STX8: variants seen among roughly 807,000 people sequenced by gnomAD.
STX8 encodes the protein syntaxin 8.
Under a neutral mutation model 37.5 loss-of-function variants are expected in STX8, and 23 were observed. The ratio of observed to expected loss-of-function variants is 0.61; its 90% CI spans 0.44 to 0.87. STX8 has a LOEUF of 0.87. Ranked by LOEUF, STX8 falls within the 40% of genes least tolerant of loss-of-function variation. The pLI is 0.00. For missense variants in STX8, 313 were observed against 284.7 expected (o/e 1.10, Z -0.71); for synonymous variants, 115 against 99.1 (o/e 1.16, Z -0.95).
intron 1 of STX8, among the ~76,000 whole-genome samples, chr17:9,572,703 TG>T: frequency 8.2e-6 from 1 of 121,554 alleles, no homozygotes; most frequent in East Asian, 2.4e-4. Context: ...CCACCACACC[TG>T]GCCTTTTATA....
chr17:9,553,011 C>G (rs1906830829), intron 3 of STX8: 1 of 152,162 alleles, frequency 6.6e-6, no homozygotes, highest in African/African-American at 2.4e-5. Context: ...CATCAAACCC[C>G]TCTGTAAAGA....
intron 6 of STX8, among the ~76,000 whole-genome samples, chr17:9,380,904 G>A (rs1911789595): frequency 6.6e-6 from 1 of 150,996 alleles, no homozygotes; most frequent in South Asian, 2.1e-4. Context: ...TAGTAGAGAT[G>A]GGGTTTCACC....
Position 9,545,226 on chromosome 17 carries a change from T to G in STX8, c.269A>C (p.Glu90Ala). The change falls in exon 4 of 8, where the codon GAG becomes GCG. Residue 90 changes from glutamate to alanine, a missense_variant. Coordinates refer to ENST00000306357, the MANE Select transcript of STX8 (RefSeq NM_004853.3). Reference protein sequence around the residue: ...QNLLDDLVTRERLLLASFKNE... With the variant: ...QNLLDDLVTRARLLLASFKNE... ...CTTAAAGGATGCCAGAAGTAGTCTC[T>G]CTCGAGTTACAAGATCATCCAAGAG... The G allele has an allele frequency of 6.2e-7, 1 of 1,614,146 alleles. No individual in the cohort carries two copies. Among genetic ancestry groups the G allele is most frequent in the Non-Finnish European group, 8.5e-7 (1 of 1,180,018 alleles).
chr17:9,430,134 A>ATATATATAATT (rs1491188966), intron 6 of STX8, among the ~76,000 whole-genome samples: 1 of 93,688 alleles, frequency 1.1e-5, no homozygotes, highest in Admixed American at 1.8e-4. Flanking sequence ...TAAATATAAA[A>ATATATATAATT]TATATATAAT....
chr17:9,399,818 A>G (rs1233533209), intron 6 of STX8, among the ~76,000 whole-genome samples: 2 of 150,312 alleles, frequency 1.3e-5, no homozygotes, highest in African/African-American at 4.9e-5. Context: ...GTGAGCCAAG[A>G]TCACGCCATT....
chr17:9,555,981 T>C (rs992446324), intron 3 of STX8, among the ~76,000 whole-genome samples: 3 of 152,132 alleles, frequency 2.0e-5, no homozygotes, highest in African/African-American at 7.2e-5. Flanking sequence ...AAACCCTTTA[T>C]ATGATAGACC....
intron 6 of STX8, among the ~76,000 whole-genome samples, chr17:9,436,476 G>C (rs8065709): frequency 0.057 from 8,696 of 152,212 alleles, 714 homozygotes; most frequent in African/African-American, 0.18. Context: ...GGGTCTCTGG[G>C]CATCTAAAAT....
At chr17:9,346,957 G>A (rs1225249492) in intron 7 of STX8, among the ~76,000 whole-genome samples, 2 of 151,942 alleles carry the variant, frequency 1.3e-5, no homozygotes, top group South Asian at 2.1e-4. Context: ...GAGAAACCCC[G>A]TCTCTACTAA....
At chr17:9,390,762 G>A (rs534936508) in intron 6 of STX8, among the ~76,000 whole-genome samples, 134 of 150,580 alleles carry the variant, frequency 8.9e-4, no homozygotes, top group Middle Eastern at 3.4e-3. Context: ...ACTTGAACCC[G>A]GGAGGTGGAG....
intron 7 of STX8, among the ~76,000 whole-genome samples, chr17:9,294,661 A>G (rs1908449374): frequency 6.6e-6 from 1 of 152,238 alleles, no homozygotes; most frequent in Non-Finnish European, 1.5e-5. Flanking sequence ...ATAAGGAAGA[A>G]CTAGGGGCCA....
chr17:9,526,593 A>T (rs1868578470), intron 4 of STX8, among the ~76,000 whole-genome samples: 1 of 152,182 alleles, frequency 6.6e-6, no homozygotes, highest in Admixed American at 6.5e-5. Flanking sequence ...AACATTTTTT[A>T]AAATTAACAG....
At chr17:9,303,333 C>G (rs1008726088) in intron 7 of STX8, among the ~76,000 whole-genome samples, 1 of 152,096 alleles carries the variant, frequency 6.6e-6, no homozygotes, top group Non-Finnish European at 1.5e-5. Context: ...ACTTCTCCCT[C>G]CAACCTAGAC....
intron 7 of STX8, among the ~76,000 whole-genome samples, chr17:9,347,004 C>G (rs965336799): frequency 2.0e-5 from 3 of 151,954 alleles, no homozygotes; most frequent in African/African-American, 7.3e-5. Context: ...GTGGGTGCCT[C>G]TAATCCCAGT....
chr17:9,414,376 A>G (rs1231702807), intron 6 of STX8, among the ~76,000 whole-genome samples: 1 of 152,100 alleles, frequency 6.6e-6, no homozygotes, highest in Non-Finnish European at 1.5e-5. Context: ...AAATACAACA[A>G]AAATGATTTA....
intron 7 of STX8, among the ~76,000 whole-genome samples, chr17:9,272,408 C>G (rs1259049505): frequency 6.6e-6 from 1 of 152,196 alleles, no homozygotes; most frequent in African/African-American, 2.4e-5. Context: ...TCTCTGGATG[C>G]CCATGAGCCA....
At chr17:9,473,831 G>T (rs959445259) in intron 6 of STX8, among the ~76,000 whole-genome samples, 2 of 152,246 alleles carry the variant, frequency 1.3e-5, no homozygotes, top group East Asian at 3.9e-4. Context: ...TATTCATGAT[G>T]AGTCTTTTTG....
intron 3 of STX8, among the ~76,000 whole-genome samples, chr17:9,547,140 C>G (rs1301752734): frequency 5.3e-5 from 8 of 150,954 alleles, no homozygotes; most frequent in African/African-American, 1.9e-4. Flanking sequence ...CCCAGCTACT[C>G]GGGAGGCTGA....
At chr17:9,490,579 GC>G (rs1906812555) in intron 6 of STX8, among the ~76,000 whole-genome samples, 1 of 151,892 alleles carries the variant, frequency 6.6e-6, no homozygotes, top group Non-Finnish European at 1.5e-5. Flanking sequence ...CATCATGTTG[GC>G]CAGGCTGGTC....
At chr17:9,294,950 C>T (rs1169803305) in intron 7 of STX8, among the ~76,000 whole-genome samples, 3 of 152,200 alleles carry the variant, frequency 2.0e-5, no homozygotes, top group Non-Finnish European at 4.4e-5. Context: ...AAGAAGGCAG[C>T]CATCTGCAAC....
Sources: allele counts gnomAD v4.1 joint callset (sites outside exome capture counted in the v4.1 genomes callset), GRCh38; gene constraint gnomAD v4.1.1; transcripts MANE v1.5; gene names NCBI Gene and HGNC (gene_info 2026-07-23, HGNC 2026-07-21).